The following BMP5 variants were observed in gnomAD, a reference collection of about 807,000 sequenced individuals.
BMP5 encodes the protein bone morphogenetic protein 5.
In BMP5, 23 loss-of-function variants were observed where a neutral mutation model predicts 46.6. The ratio of observed to expected loss-of-function variants is 0.49; its 90% confidence interval spans 0.35 to 0.70. BMP5 has a LOEUF of 0.70. BMP5 is among the 30% of genes least tolerant of loss of function. The pLI is 0.00. For missense variants in BMP5, 545 were observed against 565.6 expected (o/e 0.96, Z 0.37); for synonymous variants, 204 against 191.9 (o/e 1.06, Z -0.52).
chr6:55,871,204 C>A (rs1183780088), intron 1 of BMP5, among the ~76,000 whole-genome samples: 6 of 151,554 alleles, frequency 4.0e-5, no homozygotes, highest in Admixed American at 3.3e-4. Flanking sequence ...GCACTTTTGA[C>A]AAAGAGATGG....
intron 1 of BMP5, among the ~76,000 whole-genome samples, chr6:55,835,137 GAA>G (rs1020087935): frequency 2.0e-5 from 3 of 151,422 alleles, no homozygotes; most frequent in African/African-American, 7.3e-5. Context: ...AATTCATTGT[GAA>G]TAGCAATTCT....
rs950368209 is a variant in BMP5 at position 55,832,293 on chromosome 6, C to T, written c.491-12446G>A. On this transcript the variant is annotated intron_variant, in intron 1 of 6. Coordinates refer to ENST00000370830, the MANE Select transcript of BMP5 (RefSeq NM_021073.4). The stretch of plus-strand genomic sequence containing the variant: ...GAGCTGTCTGTTGATCACAATGAGC[C>T]TGCAAACTGAGATTGCAGAAAAGCT... 2.0e-5 allele frequency among the ~76,000 whole-genome samples: 3 copies of T among 152,142 alleles called. 1 individual carries two copies. The East Asian group carries it at 5.8e-4, about 29-fold the overall frequency.
At chr6:55,774,744 C>A (rs1775130825) in intron 3 of BMP5, among the ~76,000 whole-genome samples, 1 of 151,862 alleles carries the variant, frequency 6.6e-6, no homozygotes, top group Non-Finnish European at 1.5e-5. Flanking sequence ...CTGGCCAGTG[C>A]CCAGCAACCT....
intron 3 of BMP5, among the ~76,000 whole-genome samples, chr6:55,784,884 T>C (rs1353001314): frequency 6.6e-6 from 1 of 151,812 alleles, no homozygotes. Context: ...TTTGTAAGAG[T>C]CAGCATATAA....
intron 2 of BMP5, among the ~76,000 whole-genome samples, chr6:55,814,627 A>G (rs1776211714): frequency 6.6e-6 from 1 of 152,130 alleles, no homozygotes; most frequent in Non-Finnish European, 1.5e-5. Context: ...ACATATCGCT[A>G]TTTCTATGTG....
intron 1 of BMP5, among the ~76,000 whole-genome samples, chr6:55,839,672 A>T (rs947988865): frequency 1.1e-4 from 17 of 152,294 alleles, no homozygotes; most frequent in Non-Finnish European, 8.8e-5. Flanking sequence ...TAGGAGCACA[A>T]TTGGTGTACC....
At chr6:55,865,306 C>T in intron 1 of BMP5, 2 of 409,292 alleles carry the variant, frequency 4.9e-6, no homozygotes, top group Non-Finnish European at 4.8e-6. Context: ...ATATTACTAC[C>T]TTGGCTTCTA....
intron 2 of BMP5, among the ~76,000 whole-genome samples, chr6:55,800,427 T>A (rs897025695): frequency 1.3e-5 from 2 of 152,226 alleles, no homozygotes; most frequent in African/African-American, 4.8e-5. Flanking sequence ...AAATCAAGTG[T>A]ATAAACATTC....
intron 1 of BMP5, among the ~76,000 whole-genome samples, chr6:55,858,242 T>A (rs1582125984): frequency 6.6e-6 from 1 of 152,074 alleles, no homozygotes; most frequent in East Asian, 1.9e-4. Context: ...TTCTTCTCAA[T>A]TTTTTTTCAG....
Position 55,861,274 on chromosome 6 carries a change from A to G in BMP5, c.490+13102T>C, listed in dbSNP as rs1406073748. ...GGGGTCAGAGAAGCTGAGGCAAGGC[A>G]CTCATACTTAGCAGCATGGCAGCCC... On this transcript the variant is annotated intron_variant, in intron 1 of 6. Transcript: ENST00000370830. Among the ~76,000 whole-genome samples the G allele has an allele frequency of 5.9e-5, 9 of 152,284 alleles. No homozygotes were observed. In the South Asian group the frequency reaches 1.9e-3, roughly 32 times the overall value.
At position 55,806,709 on chromosome 6, in the gene BMP5, T is replaced by A. The variant is rs553014143; in HGVS notation, c.684-12282A>T. 6.9e-4 allele frequency among the ~76,000 whole-genome samples: 105 copies of A among 152,324 alleles called. No individual in the cohort carries two copies. The Middle Eastern group carries it at 0.034, about 49-fold the overall frequency. Reference sequence around the variant, plus strand: ...ATTCTTCCTATCCACAAGAATAGAATGTTTTTCCATTTGTTTGTGTTCTGT... The same window carrying A: ...ATTCTTCCTATCCACAAGAATAGAAAGTTTTTCCATTTGTTTGTGTTCTGT... On this transcript the variant is annotated intron_variant, in intron 2 of 6. Transcript: ENST00000370830.
At chr6:55,791,991 T>G (rs1775581920) in intron 3 of BMP5, among the ~76,000 whole-genome samples, 1 of 152,172 alleles carries the variant, frequency 6.6e-6, no homozygotes, top group Admixed American at 6.5e-5. Context: ...ATTGTAAGAA[T>G]TCTTGGAAGA....
intron 1 of BMP5, among the ~76,000 whole-genome samples, chr6:55,838,886 A>G (rs1449271403): frequency 6.6e-6 from 1 of 152,166 alleles, no homozygotes; most frequent in African/African-American, 2.4e-5. Context: ...TCAAATTCAT[A>G]TATTTGTTTT....
chr6:55,774,077 C>T lies in BMP5; in HGVS notation c.999G>A (p.Gln333=), dbSNP rs1296116012. ...CAACACTGGACATTCTGGAGGAGTCCTGATGAGAGCTGGATTTATTGCGGT... is the reference window on the plus strand; with the variant it reads ...CAACACTGGACATTCTGGAGGAGTCTTGATGAGAGCTGGATTTATTGCGGT... ...NQNRNKSSSH[Q]DSSRMSSVGD... The change falls in exon 4 of 7, where the codon CAG becomes CAA. Residue 333 remains glutamine (Q), a synonymous_variant. Coordinates refer to ENST00000370830, the MANE Select transcript of BMP5 (RefSeq NM_021073.4). 15 of 1,612,626 alleles carry T rather than the reference C, an allele frequency of 9.3e-6. No individual in the cohort carries two copies. Among genetic ancestry groups the T allele is most frequent in the Non-Finnish European group, 1.3e-5 (15 of 1,179,300 alleles).
chr6:55,814,224 C>CT (rs1247668112), intron 2 of BMP5, among the ~76,000 whole-genome samples: 1 of 152,002 alleles, frequency 6.6e-6, no homozygotes. Context: ...ATTTTACTTA[C>CT]TTTATCTTTA....
intron 2 of BMP5, among the ~76,000 whole-genome samples, chr6:55,812,000 A>G (rs1403053570): frequency 1.3e-5 from 2 of 152,132 alleles, no homozygotes; most frequent in Middle Eastern, 3.2e-3. Context: ...ACTCGGCCTT[A>G]TGTCCTCTGT....
intron 2 of BMP5, among the ~76,000 whole-genome samples, chr6:55,811,269 A>G (rs1776128483): frequency 6.6e-6 from 1 of 152,184 alleles, no homozygotes; most frequent in Non-Finnish European, 1.5e-5. Flanking sequence ...TTAACTATAT[A>G]TATCCAAGTA....
chr6:55,798,153 T>A (rs1410070110), intron 2 of BMP5, among the ~76,000 whole-genome samples: 2 of 152,180 alleles, frequency 1.3e-5, no homozygotes, highest in African/African-American at 4.8e-5. Flanking sequence ...CCTCTTTTCA[T>A]AAGGACACCA....
At chr6:55,818,967 C>T (rs1369658125) in intron 2 of BMP5, among the ~76,000 whole-genome samples, 4 of 151,614 alleles carry the variant, frequency 2.6e-5, no homozygotes, top group Non-Finnish European at 2.9e-5. Flanking sequence ...GACAGACAGA[C>T]AGACAGATAG....
Sources: gnomAD v4.1 joint callset for allele counts (sites outside exome capture counted in the v4.1 genomes callset) on GRCh38, gnomAD v4.1.1 for gene constraint, MANE v1.5 for transcripts, NCBI Gene and HGNC (gene_info 2026-07-23, HGNC 2026-07-21) for gene names.